The following FIGN variants were observed in gnomAD, a reference collection of about 807,000 sequenced individuals.
FIGN encodes fidgetin, microtubule severing factor, also known as fidgetin.
A neutral mutation model predicts 51.3 loss-of-function variants in FIGN; 11 were observed. That is an observed-to-expected ratio of 0.21 (90% CI 0.13 to 0.35). The LOEUF (loss-of-function observed/expected upper bound fraction) is 0.35, where lower values mean the gene tolerates loss of function less well. FIGN is among the 10% of genes least tolerant of loss of function. The pLI, the probability that FIGN is intolerant of heterozygous loss-of-function variation, is 1.00. For missense variants in FIGN, 857 were observed against 943.6 expected (o/e 0.91, Z 1.20); for synonymous variants, 407 against 363.2 (o/e 1.12, Z -1.37).
At position 163,650,142 on chromosome 2, in the gene FIGN, T is replaced by TA. The variant is rs145236560; in HGVS notation, c.26-38337dup. Among the ~76,000 whole-genome samples the TA allele has an allele frequency of 9.2e-3, 1,387 of 150,412 alleles. 16 individuals carry two copies. Among genetic ancestry groups the TA allele is most frequent in the African/African-American group, 0.028 (1,141 of 41,120 alleles). On this transcript the variant is annotated intron_variant, in intron 2 of 2. Coordinates refer to ENST00000333129, the MANE Select transcript of FIGN (RefSeq NM_018086.4). ...AACCTTTCTTAAGCATACCTACACT[T>TA]AAAAAAAAATAGAATAGATGCAGTA...
chr2:163,635,294 G>A (rs1471368630), intron 2 of FIGN, among the ~76,000 whole-genome samples: 1 of 152,222 alleles, frequency 6.6e-6, no homozygotes, highest in Non-Finnish European at 1.5e-5. Context: ...TGGGCTGGGT[G>A]TAGTGGTTCA....
In FIGN at chr2:163,735,855, G is replaced by C. The variant is rs571946118; in HGVS notation, c.-163C>G. The stretch of plus-strand genomic sequence containing the variant: ...CCTCTTACCTGAACGCGCGGAGAGA[G>C]AACCCGATAGGTTAGCGTAGCATCG... On this transcript the variant is annotated 5_prime_UTR_variant, in exon 1 of 3. Transcript: ENST00000333129. The C allele has an allele frequency of 6.5e-6, 1 of 152,790 alleles. No individual in the cohort carries two copies. Among genetic ancestry groups the C allele is most frequent in the African/African-American group, 2.4e-5 (1 of 41,586 alleles). 9.5% of individuals were successfully genotyped at this position (152,790 alleles called of 1,614,324 possible). A position where few individuals can be genotyped will look rare whatever the true frequency, so the allele number is the denominator to read the frequency against.
At position 163,609,923 on chromosome 2, in the gene FIGN, C is replaced by T. The variant is rs1691197029; in HGVS notation, c.1909G>A (p.Asp637Asn). ...ICATSKPEEI[D>N]ESLRRYFMKR... is the part of the protein sequence containing the mutation. ...ATGAAGTACCTCCGAAGGGATTCAT[C>T]TATTTCTTCTGGTTTACTGGTGGCA... The change falls in exon 3 of 3, where the codon GAT (aspartate) becomes AAT (asparagine). Residue 637 changes from aspartate (D) to asparagine (N), a missense_variant. Asp to Asn is a conservative substitution (Grantham distance 23). Coordinates refer to ENST00000333129, the MANE Select transcript of FIGN (RefSeq NM_018086.4). 9 of 1,614,064 alleles carry T rather than the reference C, an allele frequency of 5.6e-6. No individual in the cohort carries two copies. Among genetic ancestry groups the T allele is most frequent in the Admixed American group, 3.3e-5 (2 of 60,026 alleles).
chr2:163,637,815 G>C (rs1168808915), intron 2 of FIGN, among the ~76,000 whole-genome samples: 1 of 152,018 alleles, frequency 6.6e-6, no homozygotes, highest in Non-Finnish European at 1.5e-5. Flanking sequence ...ATGTATCCTA[G>C]TGTTTTTGGT....
intron 2 of FIGN, among the ~76,000 whole-genome samples, chr2:163,679,382 G>C (rs1684022466): frequency 6.6e-6 from 1 of 151,996 alleles, no homozygotes; most frequent in Non-Finnish European, 1.5e-5. Flanking sequence ...TGTATTCCCA[G>C]TTACTTGGGA....
At chr2:163,730,259 C>A (rs1202692373) in intron 2 of FIGN, among the ~76,000 whole-genome samples, 1 of 151,966 alleles carries the variant, frequency 6.6e-6, no homozygotes, top group African/African-American at 2.4e-5. Context: ...ATGATAACAT[C>A]AAAAATATCA....
chr2:163,658,217 C>T (rs1379751943), intron 2 of FIGN, among the ~76,000 whole-genome samples: 6 of 152,084 alleles, frequency 3.9e-5, no homozygotes, highest in Non-Finnish European at 8.8e-5. Flanking sequence ...ACACATCTCA[C>T]AGGCCTGTCT....
intron 2 of FIGN, among the ~76,000 whole-genome samples, chr2:163,688,678 T>C (rs2105343834): frequency 6.6e-6 from 1 of 152,224 alleles, no homozygotes; most frequent in Non-Finnish European, 1.5e-5. Context: ...ATGAACACAT[T>C]GTTTGTGGAC....
intron 2 of FIGN, among the ~76,000 whole-genome samples, chr2:163,616,137 C>A (rs1573905062): frequency 6.6e-6 from 1 of 152,134 alleles, no homozygotes; most frequent in South Asian, 2.1e-4. Flanking sequence ...CCATTACTGA[C>A]CATTTGATAA....
intron 2 of FIGN, among the ~76,000 whole-genome samples, chr2:163,719,781 T>C (rs1168402412): frequency 6.6e-6 from 1 of 152,174 alleles, no homozygotes; most frequent in Non-Finnish European, 1.5e-5. Context: ...TCACGTAGCA[T>C]ATCAAGACTA....
At chr2:163,735,480 A>T (rs1685000832) in intron 1 of FIGN, among the ~76,000 whole-genome samples, 1 of 152,216 alleles carries the variant, frequency 6.6e-6, no homozygotes, top group Admixed American at 6.5e-5. Context: ...AAGAAAGTCT[A>T]GCCCCACCCT....
At chr2:163,734,827 T>C in intron 2 of FIGN, 76 bp downstream of exon 2, 1 of 1,411,594 alleles carries the variant, frequency 7.1e-7, no homozygotes, top group Non-Finnish European at 9.8e-7. Flanking sequence ...CAGGCAGTCT[T>C]CAATGGTTTT....
chr2:163,710,137 C>T (rs1684564833), intron 2 of FIGN, among the ~76,000 whole-genome samples: 1 of 152,064 alleles, frequency 6.6e-6, no homozygotes, highest in African/African-American at 2.4e-5. Flanking sequence ...AATTAGTGTT[C>T]TAGTACTGGT....
At chr2:163,724,485 G>A (rs1403509298) in intron 2 of FIGN, among the ~76,000 whole-genome samples, 5 of 151,742 alleles carry the variant, frequency 3.3e-5, no homozygotes, top group Admixed American at 6.6e-5. Context: ...CTGATCTGGT[G>A]TAGGGCTTAG....
At chr2:163,683,053 C>A (rs1307507379) in intron 2 of FIGN, among the ~76,000 whole-genome samples, 1 of 152,080 alleles carries the variant, frequency 6.6e-6, no homozygotes, top group Non-Finnish European at 1.5e-5. Flanking sequence ...AGAAACCAGA[C>A]TGGATTTGGT....
intron 2 of FIGN, chr2:163,617,012 T>A (rs1682889600): frequency 1.4e-6 from 1 of 712,230 alleles, no homozygotes; most frequent in African/African-American, 1.9e-5. Flanking sequence ...TCAATGGGAG[T>A]GATGACCAAA....
chr2:163,620,716 A>G (rs947575524), intron 2 of FIGN, among the ~76,000 whole-genome samples: 3 of 152,144 alleles, frequency 2.0e-5, no homozygotes, highest in African/African-American at 7.2e-5. Context: ...CGTACAAAAT[A>G]TATTTGCATT....
chr2:163,661,236 A>AT (rs761307051), intron 2 of FIGN, among the ~76,000 whole-genome samples: 2 of 150,090 alleles, frequency 1.3e-5, no homozygotes, highest in African/African-American at 4.9e-5. Flanking sequence ...TTATTTATTT[A>AT]TTATTATTAT....
At position 163,630,639 on chromosome 2, in the gene FIGN, G is replaced by T. The variant is rs62169862; in HGVS notation, c.26-18833C>A. On this transcript the variant is annotated intron_variant, in intron 2 of 2. Transcript: ENST00000333129. ...TGAAACATAGGCCTAACTGACAACTGCATTCCCAGATTTAGCAAGGATTTG... is the reference window on the plus strand; with the variant it reads ...TGAAACATAGGCCTAACTGACAACTTCATTCCCAGATTTAGCAAGGATTTG... Among the ~76,000 whole-genome samples, 444 of 141,556 alleles carry T rather than the reference G, an allele frequency of 3.1e-3. 2 individuals are homozygous for T. The highest frequency in any genetic ancestry group is 3.4e-3 in the Non-Finnish European group (221 of 65,584). 92.9% of individuals were successfully genotyped at this position (141,556 alleles called of 152,430 possible). A position where few individuals can be genotyped will look rare whatever the true frequency, so the allele number is the denominator to read the frequency against.
Sources: gnomAD v4.1 joint callset for allele counts (sites outside exome capture counted in the v4.1 genomes callset) on GRCh38, gnomAD v4.1.1 for gene constraint, MANE v1.5 for transcripts, NCBI Gene and HGNC (gene_info 2026-07-23, HGNC 2026-07-21) for gene names.